Variants in DRC11 observed in about 807,000 individuals in gnomAD.
The protein encoded by DRC11 is IQ and AAA domain-containing protein 1.
the DRC11 span, chr2:236,344,559 T>A: frequency 2.5e-6 from 4 of 1,610,836 alleles, no homozygotes; most frequent in East Asian, 8.9e-5. Flanking sequence ...GTCCTCACCA[T>A]CTTTTCTGCG....
the DRC11 span, among the ~76,000 whole-genome samples, chr2:236,501,779 C>T: frequency 3.3e-5 from 5 of 152,078 alleles, no homozygotes; most frequent in East Asian, 9.6e-4. Context: ...GGATTTGGGG[C>T]CCAAACCTGC....
the DRC11 span, chr2:236,377,203 T>C: frequency 1.3e-6 from 2 of 1,540,190 alleles, no homozygotes; most frequent in Non-Finnish European, 9.0e-7. The surrounding 1 kb of genome is among the most constrained non-coding windows in gnomAD (Gnocchi z 4.9). Context: ...GAAAGCAGAG[T>C]GTCTGTTCCA....
At chr2:236,438,632 A>G in the DRC11 span, among the ~76,000 whole-genome samples, 84 of 151,870 alleles carry the variant, frequency 5.5e-4, no homozygotes, top group Non-Finnish European at 1.2e-3. Context: ...GCAGTGGTTT[A>G]TAGTTCTCCT....
At chr2:236,406,613 C>A in the DRC11 span, among the ~76,000 whole-genome samples, 2 of 152,138 alleles carry the variant, frequency 1.3e-5, no homozygotes, top group Non-Finnish European at 2.9e-5. This position sits in a 1 kb window ranked among gnomAD's most constrained non-coding sequence, Gnocchi z 4.7. Context: ...AAATAATAAT[C>A]CCCTTCTCTA....
the DRC11 span, among the ~76,000 whole-genome samples, chr2:236,494,714 AG>A: frequency 6.6e-6 from 1 of 152,122 alleles, no homozygotes. This position sits in a 1 kb window ranked among gnomAD's most constrained non-coding sequence, Gnocchi z 4.2. Context: ...AATTTTGGAT[AG>A]GCCTTCCCCT....
the DRC11 span, among the ~76,000 whole-genome samples, chr2:236,459,650 T>TAC: frequency 2.3e-3 from 312 of 133,434 alleles, no homozygotes; most frequent in African/African-American, 4.4e-3. Context: ...TATACGTATA[T>TAC]ATGTATATAC....
the DRC11 span, among the ~76,000 whole-genome samples, chr2:236,477,275 A>G: frequency 6.6e-6 from 1 of 152,256 alleles, no homozygotes; most frequent in Non-Finnish European, 1.5e-5. Context: ...CAGTCCATTA[A>G]CACATATTTT....
chr2:236,405,519 G>A, the DRC11 span, among the ~76,000 whole-genome samples: 1 of 151,934 alleles, frequency 6.6e-6, no homozygotes, highest in Non-Finnish European at 1.5e-5. This position sits in a 1 kb window ranked among gnomAD's most constrained non-coding sequence, Gnocchi z 4.6. Flanking sequence ...TCTGGGTACC[G>A]CTAAGATGCT....
chr2:236,479,796 C>T, the DRC11 span, among the ~76,000 whole-genome samples: 710 of 152,228 alleles, frequency 4.7e-3, 6 homozygotes, highest in African/African-American at 0.016. This position sits in a 1 kb window ranked among gnomAD's most constrained non-coding sequence, Gnocchi z 4.1. Flanking sequence ...AGTAATTTGG[C>T]TTTGTCTGTA....
the DRC11 span, among the ~76,000 whole-genome samples, chr2:236,495,997 C>T: frequency 3.9e-5 from 6 of 152,102 alleles, no homozygotes; most frequent in South Asian, 2.1e-4. The surrounding 1 kb of genome is among the most constrained non-coding windows in gnomAD (Gnocchi z 5.6). Flanking sequence ...GCCCCAAATG[C>T]GCTATTCCTT....
the DRC11 span, among the ~76,000 whole-genome samples, chr2:236,461,467 AC>A: frequency 1.3e-5 from 2 of 152,224 alleles, no homozygotes; most frequent in Non-Finnish European, 2.9e-5. This position sits in a 1 kb window ranked among gnomAD's most constrained non-coding sequence, Gnocchi z 4.0. Context: ...TTTTCTCCAG[AC>A]CCAATTATGT....
the DRC11 span, among the ~76,000 whole-genome samples, chr2:236,337,067 C>G: frequency 6.6e-6 from 1 of 152,308 alleles, no homozygotes; most frequent in East Asian, 1.9e-4. The surrounding 1 kb of genome is among the most constrained non-coding windows in gnomAD (Gnocchi z 4.9). Context: ...ACATAGGCCC[C>G]GCTCAGTGCC....
chr2:236,459,596 T>TAC, the DRC11 span, among the ~76,000 whole-genome samples: 5 of 100,796 alleles, frequency 5.0e-5, no homozygotes, highest in Admixed American at 2.9e-4. Flanking sequence ...TACGTATACG[T>TAC]ATACATATAT....
chr2:236,383,769 G>A, the DRC11 span, among the ~76,000 whole-genome samples: 1 of 151,658 alleles, frequency 6.6e-6, no homozygotes, highest in African/African-American at 2.4e-5. Flanking sequence ...ACCCACTAAC[G>A]CATCATCTAG....
At chr2:236,449,403 C>T in the DRC11 span, among the ~76,000 whole-genome samples, 2 of 152,218 alleles carry the variant, frequency 1.3e-5, no homozygotes, top group African/African-American at 4.8e-5. The surrounding 1 kb of genome is among the most constrained non-coding windows in gnomAD (Gnocchi z 5.1). Context: ...CCTCCGCCTC[C>T]GCAATACTTT....
At chr2:236,379,046 C>A in the DRC11 span, among the ~76,000 whole-genome samples, 1 of 152,170 alleles carries the variant, frequency 6.6e-6, no homozygotes, top group African/African-American at 2.4e-5. Flanking sequence ...TTGCCAGGGC[C>A]GCGGCAGTGT....
At chr2:236,492,908 G>A in the DRC11 span, among the ~76,000 whole-genome samples, 1 of 152,232 alleles carries the variant, frequency 6.6e-6, no homozygotes, top group Non-Finnish European at 1.5e-5. Flanking sequence ...AATGGATTCT[G>A]TTCCTTGCTT....
chr2:236,497,515 T>C, the DRC11 span: 6 of 1,502,122 alleles, frequency 4.0e-6, no homozygotes, highest in East Asian at 2.3e-5. This position sits in a 1 kb window ranked among gnomAD's most constrained non-coding sequence, Gnocchi z 5.1. Flanking sequence ...ATTTAGATGA[T>C]ACAGTAAATA....
At chr2:236,493,788 C>T in the DRC11 span, 946 of 1,602,212 alleles carry the variant, frequency 5.9e-4, 6 homozygotes, top group African/African-American at 0.01. Flanking sequence ...GTATCTATTC[C>T]GCTGTCCGCT....
Sources: allele counts gnomAD v4.1 joint callset (sites outside exome capture counted in the v4.1 genomes callset), GRCh38; gene constraint gnomAD v4.1.1; non-coding constraint Gnocchi (gnomAD v3.1); transcripts MANE v1.5; gene names NCBI Gene and HGNC (gene_info 2026-07-23, HGNC 2026-07-21).